The following BMPR1B variants were observed in gnomAD, a reference collection of about 807,000 sequenced individuals.
The protein encoded by BMPR1B is bone morphogenetic protein receptor type 1B.
A neutral mutation model predicts 59.1 loss-of-function variants in BMPR1B; 12 were observed. The ratio of observed to expected loss-of-function variants is 0.20; its 90% CI spans 0.13 to 0.33. BMPR1B has a LOEUF of 0.33. Among genes scored for constraint, BMPR1B ranks in the 10% least tolerant of loss-of-function variants. The pLI is 1.00. For missense variants in BMPR1B, 550 were observed against 610.9 expected, an observed-to-expected ratio of 0.90 and a Z score of 1.05; for synonymous variants, 237 against 207.3, an observed-to-expected ratio of 1.14 and a Z score of -1.23.
intron 2 of BMPR1B, among the ~76,000 whole-genome samples, chr4:94,932,642 C>G (rs1264083610): frequency 6.6e-6 from 1 of 152,022 alleles, no homozygotes; most frequent in African/African-American, 2.4e-5. Context: ...CACATACACC[C>G]CTTTTTTGGC....
intron 3 of BMPR1B, among the ~76,000 whole-genome samples, chr4:95,012,934 C>T (rs1174186735): frequency 1.3e-5 from 2 of 151,956 alleles, no homozygotes; most frequent in African/African-American, 2.4e-5. Flanking sequence ...AAATAGGTGC[C>T]TATCCAAAAT....
chr4:94,914,969 CTGA>C (rs1217571018), intron 2 of BMPR1B, among the ~76,000 whole-genome samples: 1 of 152,016 alleles, frequency 6.6e-6, no homozygotes, highest in African/African-American at 2.4e-5. Flanking sequence ...CATAATAAAG[CTGA>C]TGATCACGCA....
At chr4:94,807,022 G>A (rs1723631429) in intron 1 of BMPR1B, among the ~76,000 whole-genome samples, 1 of 151,996 alleles carries the variant, frequency 6.6e-6, no homozygotes, top group Non-Finnish European at 1.5e-5. Context: ...ATTTTATAAT[G>A]AAAGACATCT....
intron 2 of BMPR1B, among the ~76,000 whole-genome samples, chr4:94,962,042 ATTCT>A (rs35474278): frequency 4.5e-4 from 67 of 149,672 alleles, no homozygotes; most frequent in Middle Eastern, 3.5e-3. Context: ...ACTAGATTTT[ATTCT>A]TTCTTTCTTT....
chr4:94,963,876 T>C (rs1730460839), intron 2 of BMPR1B, among the ~76,000 whole-genome samples: 1 of 152,128 alleles, frequency 6.6e-6, no homozygotes. Flanking sequence ...AAGAATGTCA[T>C]TGATATTTTC....
At chr4:94,964,639 C>G (rs183840105) in intron 2 of BMPR1B, among the ~76,000 whole-genome samples, 1 of 152,134 alleles carries the variant, frequency 6.6e-6, no homozygotes, top group Non-Finnish European at 1.5e-5. Flanking sequence ...GATGCCATTT[C>G]TCCTTCTAAG....
chr4:95,012,664 G>A (rs1723305571), intron 3 of BMPR1B, among the ~76,000 whole-genome samples: 2 of 152,062 alleles, frequency 1.3e-5, no homozygotes, highest in Non-Finnish European at 2.9e-5. Flanking sequence ...GTAAATATAC[G>A]TATTGCATAA....
Position 94,812,760 on chromosome 4 carries a change from G to A in BMPR1B, c.-183+54692G>A, listed in dbSNP as rs113527138. ...CAGGTGGAATTGCTAGAATTGGGGGGTTAGTTGGTTTTTGAAAGTGATTTT... is the reference window on the plus strand; with the variant it reads ...CAGGTGGAATTGCTAGAATTGGGGGATTAGTTGGTTTTTGAAAGTGATTTT... On this transcript the variant is annotated intron_variant, in intron 1 of 12. Coordinates refer to ENST00000515059, the MANE Select transcript of BMPR1B (RefSeq NM_001203.3). Among the ~76,000 whole-genome samples, 396 of 152,218 alleles carry A rather than the reference G, an allele frequency of 2.6e-3. 4 individuals carry two copies. The highest frequency in any genetic ancestry group is 9.1e-3 in the African/African-American group (380 of 41,542).
At chr4:94,937,830 A>G (rs1377380722) in intron 2 of BMPR1B, among the ~76,000 whole-genome samples, 1 of 152,126 alleles carries the variant, frequency 6.6e-6, no homozygotes, top group Non-Finnish European at 1.5e-5. Context: ...GTAAGAGCTT[A>G]GTTGGGATAG....
intron 1 of BMPR1B, among the ~76,000 whole-genome samples, chr4:94,837,507 TG>T (rs1305566282): frequency 6.9e-6 from 1 of 145,626 alleles, no homozygotes; most frequent in Non-Finnish European, 1.5e-5. Flanking sequence ...GGTATTTTAT[TG>T]TCTTTGAAGC....
chr4:94,961,051 A>C (rs976102308), intron 2 of BMPR1B, among the ~76,000 whole-genome samples: 3 of 152,134 alleles, frequency 2.0e-5, no homozygotes, highest in African/African-American at 7.2e-5. Flanking sequence ...AGTTGCCTTA[A>C]CAGACCTGTC....
intron 2 of BMPR1B, among the ~76,000 whole-genome samples, chr4:94,890,378 T>C (rs1229845495): frequency 1.3e-5 from 2 of 152,116 alleles, no homozygotes; most frequent in African/African-American, 4.8e-5. Context: ...TCTCTTTCCT[T>C]CTTCCCACTT....
chr4:94,791,746 G>T (rs1321950909), intron 1 of BMPR1B, among the ~76,000 whole-genome samples: 38 of 152,054 alleles, frequency 2.5e-4, no homozygotes. Context: ...CGACCAGAAA[G>T]AAATCTCTTG....
chr4:94,875,006 A>G (rs1013487818), intron 1 of BMPR1B, among the ~76,000 whole-genome samples: 5 of 152,134 alleles, frequency 3.3e-5, no homozygotes, highest in African/African-American at 1.2e-4. Flanking sequence ...AAAAATAATA[A>G]TAAATAAATC....
At chr4:95,106,739 G>A (rs1308707593) in intron 4 of BMPR1B, among the ~76,000 whole-genome samples, 1 of 151,954 alleles carries the variant, frequency 6.6e-6, no homozygotes, top group Non-Finnish European at 1.5e-5. Context: ...AGGTCAAAAT[G>A]TGCATAGCAT....
At chr4:95,046,581 G>A (rs1315266708) in intron 3 of BMPR1B, among the ~76,000 whole-genome samples, 5 of 152,136 alleles carry the variant, frequency 3.3e-5, no homozygotes, top group Non-Finnish European at 5.9e-5. Context: ...GTACAGCAAA[G>A]ACTCCGTAAA....
At chr4:94,786,702 T>G (rs1393715981) in intron 1 of BMPR1B, among the ~76,000 whole-genome samples, 1 of 143,820 alleles carries the variant, frequency 7.0e-6, no homozygotes, top group African/African-American at 2.7e-5. Flanking sequence ...CCATGCCTGG[T>G]TAATTTTTTG....
intron 2 of BMPR1B, among the ~76,000 whole-genome samples, chr4:94,909,568 A>T (rs2240035): frequency 0.018 from 2,784 of 152,192 alleles, 53 homozygotes; most frequent in East Asian, 0.092. Flanking sequence ...AAAAAGTGGA[A>T]CATGTTAGTG....
At chr4:94,928,016 G>A (rs1345121555) in intron 2 of BMPR1B, among the ~76,000 whole-genome samples, 1 of 152,096 alleles carries the variant, frequency 6.6e-6, no homozygotes, top group African/African-American at 2.4e-5. Context: ...CAGAAACTGG[G>A]CAGTCAGAAG....
Sources: gnomAD v4.1 joint callset for allele counts (sites outside exome capture counted in the v4.1 genomes callset) on GRCh38, gnomAD v4.1.1 for gene constraint, MANE v1.5 for transcripts, NCBI Gene and HGNC (gene_info 2026-07-23, HGNC 2026-07-21) for gene names.